Variants in TEDC2 observed in about 807,000 individuals in gnomAD.
The protein encoded by TEDC2 is tubulin epsilon and delta complex 2.
TEDC2 carries 49 observed loss-of-function variants against 48.1 expected under a neutral mutation model. That is an observed-to-expected ratio of 1.02 (90% confidence interval 0.81 to 1.29). The LOEUF is 1.29. TEDC2 is among the 50% of genes most tolerant of loss of function. The probability of loss-of-function intolerance (pLI) is 0.00; values close to 1 mark genes in which losing one functional copy is unlikely to be tolerated. For synonymous variants in TEDC2, 299 were observed against 247.1 expected, an observed-to-expected ratio of 1.21 and a Z score of -1.97; for missense variants, 631 against 571.4, an observed-to-expected ratio of 1.10 and a Z score of -1.06.
intron 5 of TEDC2, 85 bp downstream of exon 5, chr16:2,461,885 A>G (rs902059906): frequency 8.6e-6 from 13 of 1,516,412 alleles, no homozygotes; most frequent in South Asian, 2.2e-5. Flanking sequence ...GATACTTTCC[A>G]GTGGGTCTCT....
Position 2,462,633 on chromosome 16 carries a change from C to A in TEDC2, c.865C>A (p.Pro289Thr). The change falls in exon 8 of 10, where the codon CCC becomes ACC. Residue 289 changes from proline (P) to threonine (T), a missense_variant and splice_region_variant. Pro to Thr is a conservative substitution (Grantham distance 38, BLOSUM62 -1). Coordinates refer to ENST00000361837, the MANE Select transcript of TEDC2 (RefSeq NM_025108.3). ...TGCTCTCCCTGACTCTTCTGCAGCCCCCATGGACTGGATGCAGGAGTACCG... is the reference window on the plus strand; with the variant it reads ...TGCTCTCCCTGACTCTTCTGCAGCCACCATGGACTGGATGCAGGAGTACCG... ...LRMREELSAA[P>T]MDWMQEYRCL... 6.5e-7 allele frequency: 1 copy of A among 1,546,142 alleles called. No individual in the cohort carries two copies.
chr16:2,462,436 C>T lies in TEDC2; in HGVS notation c.772C>T (p.Leu258Phe), dbSNP rs964799977. ...QTASGGPQPR[L>F]SAVEVEAEAG... ...CCAGTCAGGCGGGCCCCAGCCCAGG[C>T]TCAGTGCTGTGGAGGTGGAGGCGGA... The change falls in exon 7 of 10, where the codon CTC (leucine) becomes TTC (phenylalanine). Residue 258 changes from leucine to phenylalanine, a missense_variant. Leu to Phe is a conservative substitution (Grantham distance 22). Transcript: ENST00000361837. The T allele has an allele frequency of 6.2e-7, 1 of 1,612,048 alleles. No homozygotes were observed. The highest frequency in any genetic ancestry group is 1.7e-5 in the Admixed American group (1 of 59,966).
At chr16:2,463,877 C>G (rs2065482664) in intron 8 of TEDC2, 162 bp from the exon 9 acceptor site, 1 of 765,672 alleles carries the variant, frequency 1.3e-6, no homozygotes, top group Non-Finnish European at 2.1e-6. Flanking sequence ...GCCAGCAAGT[C>G]CAGGCCCAAG....
At position 2,460,619 on chromosome 16, in the gene TEDC2, G is replaced by T. The variant is rs904612903; in HGVS notation, c.126-4G>T. 8 of 1,612,850 alleles carry T rather than the reference G, an allele frequency of 5.0e-6. No homozygotes were observed. Among genetic ancestry groups the T allele is most frequent in the Non-Finnish European group, 6.8e-6 (8 of 1,179,924 alleles). Reference sequence around the variant, plus strand: ...CCGTGCGACGGCTGCCCGTGTCTTTGCAGGGAACCAACTGGGACCCGGGCT... The same window carrying T: ...CCGTGCGACGGCTGCCCGTGTCTTTTCAGGGAACCAACTGGGACCCGGGCT... On this transcript the variant is annotated splice_polypyrimidine_tract_variant and splice_region_variant and intron_variant, in intron 2 of 9. Transcript: ENST00000361837.
chr16:2,464,234 T>C lies in TEDC2; in HGVS notation c.1155+5T>C. 1 of 1,610,750 alleles carries C rather than the reference T, an allele frequency of 6.2e-7. No homozygotes were observed. Among genetic ancestry groups the C allele is most frequent in the East Asian group, 2.2e-5 (1 of 44,808 alleles). On this transcript the variant is annotated splice_donor_5th_base_variant and intron_variant, in intron 9 of 9. Coordinates refer to ENST00000361837, the MANE Select transcript of TEDC2 (RefSeq NM_025108.3). ...CAGCAGATCCACTTGGAAAAGGTGC[T>C]TCTGGAAGAGGAGGTGGGGGTGCAA...
rs1395742519 is a variant in TEDC2, at chr16:2,460,292, C to A, written c.36C>A (p.Ala12=). 6.5e-7 allele frequency: 1 copy of A among 1,528,250 alleles called. No homozygotes were observed. Among genetic ancestry groups the A allele is most frequent in the Admixed American group, 2.0e-5 (1 of 49,976 alleles). The allele number at this position is 1,528,250 out of a possible 1,614,324, so 94.7% of individuals were successfully genotyped here. A position where few individuals can be genotyped will look rare whatever the true frequency, so the allele number is the denominator to read the frequency against. The part of the protein sequence containing the change: ...LPAGCSRRLV[A]ELQGALDACA... ...CCGGTGCGTCCCCCAGGCTGGTGGC[C>A]GAGCTGCAGGGCGCCCTGGACGCCT... Residue 12 remains alanine, a synonymous_variant, in exon 2 of 10, where the codon GCC becomes GCA. Transcript: ENST00000361837.
At position 2,464,939 on chromosome 16, in the gene TEDC2, G is replaced by A. The variant is rs1228114556; in HGVS notation, c.*271G>A. On this transcript the variant is annotated 3_prime_UTR_variant, in exon 10 of 10. Coordinates refer to ENST00000361837, the MANE Select transcript of TEDC2 (RefSeq NM_025108.3). Reference sequence around the variant, plus strand: ...CTGTAGACCAAAGAGCCGCTTGTGTGATATTAAAGCCACTTTAGAAAGCAT... The same window carrying A: ...CTGTAGACCAAAGAGCCGCTTGTGTAATATTAAAGCCACTTTAGAAAGCAT... 1 of 494,868 alleles carries A rather than the reference G, an allele frequency of 2.0e-6. No individual in the cohort carries two copies. Among genetic ancestry groups the A allele is most frequent in the Non-Finnish European group, 3.6e-6 (1 of 277,938 alleles). The allele number at this position is 494,868 out of a possible 1,614,324, so 30.7% of individuals were successfully genotyped here. A position where few individuals can be genotyped will look rare whatever the true frequency, so the allele number is the denominator to read the frequency against.
At position 2,460,951 on chromosome 16, in the gene TEDC2, T is replaced by C; in HGVS notation, c.332T>C (p.Ile111Thr). 18 of 1,613,514 alleles carry C rather than the reference T, an allele frequency of 1.1e-5. No homozygotes were observed. The highest frequency in any genetic ancestry group is 1.5e-5 in the Non-Finnish European group (18 of 1,179,988). ...DKAPSLKSRS[I>T]VTSSGTTASA... ...GCCCCCAGCCTGAAATCTAGGTCCA[T>C]TGTCACCTCTTCTGGCACGACAGCC... The change falls in exon 4 of 10, where the codon ATT (isoleucine) becomes ACT (threonine). Residue 111 changes from isoleucine (I) to threonine (T), a missense_variant. Coordinates refer to ENST00000361837, the MANE Select transcript of TEDC2 (RefSeq NM_025108.3).
intron 4 of TEDC2, chr16:2,461,482 A>G: frequency 1.5e-6 from 1 of 646,012 alleles, no homozygotes; most frequent in Non-Finnish European, 2.6e-6. Flanking sequence ...CCCAGGCCAG[A>G]GGCTCCAGAT....
chr16:2,464,534 G>A lies in TEDC2; in HGVS notation c.1168G>A (p.Glu390Lys), dbSNP rs1596941841. Residue 390 changes from glutamate to lysine, a missense_variant, in exon 10 of 10, where the codon GAA becomes AAA. Physicochemically the swap from Glu to Lys is moderately conservative, Grantham distance 56. Coordinates refer to ENST00000361837, the MANE Select transcript of TEDC2 (RefSeq NM_025108.3). ...GCCCTGCCCCCAGGTCCTGATGGCT[G>A]AACTCCTCCCCCTGGTAAGCGCTGC... ...QIHLEKVLMAELLPLVSAAQP... is the reference protein window; with the variant it reads ...QIHLEKVLMAKLLPLVSAAQP... The A allele has an allele frequency of 1.3e-6, 2 of 1,574,278 alleles. No individual in the cohort carries two copies. Among genetic ancestry groups the A allele is most frequent in the East Asian group, 4.5e-5 (2 of 44,654 alleles).
intron 4 of TEDC2, 161 bp downstream of exon 4, chr16:2,461,385 G>C: frequency 9.9e-7 from 1 of 1,012,648 alleles, no homozygotes; most frequent in South Asian, 2.0e-5. Flanking sequence ...TGAAGCAGCT[G>C]TGTGGTGGTG....
chr16:2,462,339 G>A (rs1483328120), intron 6 of TEDC2, 76 bp from the exon 7 acceptor site: 12 of 1,602,572 alleles, frequency 7.5e-6, no homozygotes, highest in Admixed American at 1.7e-5. Context: ...GATGGCCAGG[G>A]CCACTCCCCA....
At position 2,464,099 on chromosome 16, in the gene TEDC2, C is replaced by G; in HGVS notation, c.1025C>G (p.Ser342Cys). 1 of 1,612,888 alleles carries G rather than the reference C, an allele frequency of 6.2e-7. No individual in the cohort carries two copies. Among genetic ancestry groups the G allele is most frequent in the Non-Finnish European group, 8.5e-7 (1 of 1,179,996 alleles). ...PVGRPPGASP[S>C]CGGRAEPAWS... Reference sequence around the variant, plus strand: ...GGGAGGCCCCCCGGAGCCTCGCCGTCCTGTGGGGGTAGAGCGGAGCCTGCA... The same window carrying G: ...GGGAGGCCCCCCGGAGCCTCGCCGTGCTGTGGGGGTAGAGCGGAGCCTGCA... The change falls in exon 9 of 10, where the codon TCC becomes TGC. Residue 342 changes from serine (S) to cysteine (C), a missense_variant. Transcript: ENST00000361837.
rs76091628 is a variant in TEDC2, at chr16:2,462,440, G to T, written c.776G>T (p.Ser259Ile). ...TASGGPQPRL[S>I]AVEVEAEAGR... ...TCAGGCGGGCCCCAGCCCAGGCTCA[G>T]TGCTGTGGAGGTGGAGGCGGAGGCG... Residue 259 changes from serine (S) to isoleucine (I), a missense_variant, in exon 7 of 10, where the codon AGT (serine) becomes ATT (isoleucine). Transcript: ENST00000361837. 1.2e-6 allele frequency: 2 copies of T among 1,612,088 alleles called. No individual in the cohort carries two copies. The highest frequency in any genetic ancestry group is 2.2e-5 in the East Asian group (1 of 44,878).
rs1333178525 is a variant in TEDC2 at position 2,464,087 on chromosome 16, G to A, written c.1013G>A (p.Gly338Glu). Reference sequence around the variant, plus strand: ...CCATGTCCTGTGGGGAGGCCCCCCGGAGCCTCGCCGTCCTGTGGGGGTAGA... The same window carrying A: ...CCATGTCCTGTGGGGAGGCCCCCCGAAGCCTCGCCGTCCTGTGGGGGTAGA... ...PRPCPVGRPP[G>E]ASPSCGGRAE... The change falls in exon 9 of 10, where the codon GGA (glycine) becomes GAA (glutamate). Residue 338 changes from glycine to glutamate, a missense_variant. Physicochemically the swap from Gly to Glu is moderately conservative, Grantham distance 98 (BLOSUM62 -2). Transcript: ENST00000361837. 6.2e-7 allele frequency: 1 copy of A among 1,612,866 alleles called. No homozygotes were observed. The highest frequency in any genetic ancestry group is 8.5e-7 in the Non-Finnish European group (1 of 1,180,006).
intron 8 of TEDC2, 116 bp downstream of exon 8, chr16:2,462,848 A>G: frequency 1.0e-6 from 1 of 982,812 alleles, no homozygotes; most frequent in Non-Finnish European, 1.5e-6. Context: ...ACCAGATGCA[A>G]GTTGGTGGGC....
chr16:2,463,941 G>T, intron 8 of TEDC2, 98 bp from the exon 9 acceptor site: 2 of 1,312,940 alleles, frequency 1.5e-6, no homozygotes, highest in Non-Finnish European at 2.1e-6. Flanking sequence ...CCTAAAGGCA[G>T]GGCAGGTGGT....
At chr16:2,461,410 A>G (rs1422965505) in intron 4 of TEDC2, 186 bp downstream of exon 4, 5 of 823,852 alleles carry the variant, frequency 6.1e-6, no homozygotes, top group Non-Finnish European at 9.0e-6. Flanking sequence ...GGTTGGCACC[A>G]TCAGGTCAGG....
chr16:2,460,414 C>T (rs1314316450), intron 2 of TEDC2, 33 bp downstream of exon 2: 1 of 1,541,652 alleles, frequency 6.5e-7, no homozygotes, highest in Admixed American at 2.0e-5. Context: ...GGCCAGACCT[C>T]CCTCGGGCCC....
Sources: gnomAD v4.1 joint callset for allele counts on GRCh38, gnomAD v4.1.1 for gene constraint, MANE v1.5 for transcripts, NCBI Gene and HGNC (gene_info 2026-07-23, HGNC 2026-07-21) for gene names.